SMG6: variants seen among roughly 807,000 people sequenced by gnomAD.
The protein encoded by SMG6 is SMG6 nonsense mediated mRNA decay factor, also known as telomerase-binding protein EST1A.
SMG6 carries 66 observed loss-of-function variants against 142.2 expected under a neutral mutation model. The observed-to-expected ratio is 0.46, with a 90% CI of 0.38 to 0.57. SMG6 has a LOEUF of 0.57. Ranked by LOEUF, SMG6 falls within the 20% of genes least tolerant of loss-of-function variation. SMG6 has a pLI of 0.00. For synonymous variants in SMG6, 779 were observed against 702.4 expected (o/e 1.11, Z -1.72); for missense variants, 1,793 against 1,832.0 (o/e 0.98, Z 0.39).
chr17:2,116,165 G>A (rs1169359739), intron 13 of SMG6, among the ~76,000 whole-genome samples: 4 of 151,998 alleles, frequency 2.6e-5, no homozygotes, highest in Admixed American at 6.6e-5. Flanking sequence ...CAACTGCCTC[G>A]GCCCAAGCAG....
At chr17:2,128,768 G>A (rs1193759522) in intron 13 of SMG6, among the ~76,000 whole-genome samples, 2 of 145,548 alleles carry the variant, frequency 1.4e-5, no homozygotes, top group African/African-American at 5.2e-5. Flanking sequence ...AGGTTGCACT[G>A]AGCCAAGATC....
intron 13 of SMG6, among the ~76,000 whole-genome samples, chr17:2,160,010 T>C (rs983778007): frequency 6.6e-6 from 1 of 151,658 alleles, no homozygotes; most frequent in Non-Finnish European, 1.5e-5. Context: ...GGGCAGGGAG[T>C]AGGATGGGGG....
intron 10 of SMG6, among the ~76,000 whole-genome samples, chr17:2,192,171 G>T (rs551153481): frequency 4.6e-5 from 7 of 152,370 alleles, no homozygotes; most frequent in Admixed American, 2.0e-4. Context: ...ATGGGAGGCA[G>T]GCCCACCTGC....
intron 8 of SMG6, among the ~76,000 whole-genome samples, chr17:2,276,174 T>G (rs1008225929): frequency 2.6e-5 from 4 of 152,198 alleles, no homozygotes; most frequent in African/African-American, 9.7e-5. Context: ...AACGAACAAT[T>G]TGGGCATAAC....
intron 13 of SMG6, chr17:2,127,650 C>T: frequency 1.8e-6 from 1 of 569,564 alleles, no homozygotes; most frequent in Non-Finnish European, 3.5e-6. Flanking sequence ...TCAACGAATA[C>T]AATTCTTTTA....
chr17:2,086,438 G>T (rs74651811), intron 13 of SMG6, among the ~76,000 whole-genome samples: 159 of 152,294 alleles, frequency 1.0e-3, no homozygotes, highest in Non-Finnish European at 1.7e-3. Context: ...CCCCTGACAG[G>T]TTCCTGCCCT....
At chr17:2,124,726 T>C (rs1358675066) in intron 13 of SMG6, among the ~76,000 whole-genome samples, 1 of 152,178 alleles carries the variant, frequency 6.6e-6, no homozygotes, top group Non-Finnish European at 1.5e-5. Context: ...AGGACACAGG[T>C]CTTCCGCATC....
chr17:2,205,195 A>G (rs1265787692), intron 10 of SMG6, among the ~76,000 whole-genome samples: 1 of 151,906 alleles, frequency 6.6e-6, no homozygotes, highest in African/African-American at 2.4e-5. Flanking sequence ...CAGCCTCCCA[A>G]GTAGCTGGGA....
intron 12 of SMG6, among the ~76,000 whole-genome samples, chr17:2,175,827 C>A (rs570608535): frequency 3.2e-4 from 48 of 152,342 alleles, no homozygotes; most frequent in African/African-American, 1.1e-3. Context: ...CACTTCTGCT[C>A]TGGTTAATTC....
intron 8 of SMG6, among the ~76,000 whole-genome samples, chr17:2,248,579 T>C (rs970374694): frequency 6.6e-6 from 1 of 152,198 alleles, no homozygotes; most frequent in Non-Finnish European, 1.5e-5. Context: ...TCGATTTCAA[T>C]GCATTACTTT....
At chr17:2,141,373 A>AT (rs2070475128) in intron 13 of SMG6, among the ~76,000 whole-genome samples, 1 of 152,222 alleles carries the variant, frequency 6.6e-6, no homozygotes, top group Non-Finnish European at 1.5e-5. Flanking sequence ...AGACTTTGTG[A>AT]TTTTGAGAAA....
intron 13 of SMG6, among the ~76,000 whole-genome samples, chr17:2,140,341 G>A (rs186753796): frequency 1.4e-4 from 21 of 152,372 alleles, no homozygotes; most frequent in Admixed American, 3.3e-4. Flanking sequence ...ACAGGCGTAA[G>A]CCACTGCACC....
chr17:2,091,962 G>T (rs1437699987), intron 13 of SMG6, among the ~76,000 whole-genome samples: 2 of 151,348 alleles, frequency 1.3e-5, no homozygotes, highest in Non-Finnish European at 2.9e-5. Context: ...GATTACAGGC[G>T]TGAGCCACTG....
chr17:2,256,812 T>G (rs1050518535), intron 8 of SMG6, among the ~76,000 whole-genome samples: 5 of 152,130 alleles, frequency 3.3e-5, no homozygotes, highest in African/African-American at 1.2e-4. Flanking sequence ...ACGGATTAAA[T>G]AGGTTATCCA....
In SMG6 at chr17:2,229,022, G is replaced by C. The variant is rs868162530; in HGVS notation, c.2869+7470C>G. Among the ~76,000 whole-genome samples the C allele has an allele frequency of 9.9e-3, 1,514 of 152,198 alleles. 27 individuals are homozygous for C. The highest frequency in any genetic ancestry group is 0.034 in the African/African-American group (1,424 of 41,504). Reference sequence around the variant, plus strand: ...GTGAGAGGCCTCTTTTCTAAAAGAAGAGGGATATTAGACATGATGGTGAAA... The same window carrying C: ...GTGAGAGGCCTCTTTTCTAAAAGAACAGGGATATTAGACATGATGGTGAAA... On this transcript the variant is annotated intron_variant, in intron 10 of 18. Transcript: ENST00000263073.
chr17:2,089,950 A>C (rs2151445161), intron 13 of SMG6, among the ~76,000 whole-genome samples: 1 of 152,188 alleles, frequency 6.6e-6, no homozygotes, highest in South Asian at 2.1e-4. Context: ...TTGGGAGGCC[A>C]AGGTGGGCAG....
intron 10 of SMG6, among the ~76,000 whole-genome samples, chr17:2,191,128 A>G (rs1028777282): frequency 6.6e-6 from 1 of 152,218 alleles, no homozygotes; most frequent in Non-Finnish European, 1.5e-5. Flanking sequence ...AGGACCTTTC[A>G]ATAGGGTAAA....
intron 13 of SMG6, among the ~76,000 whole-genome samples, chr17:2,131,240 T>C (rs1323165380): frequency 6.6e-6 from 1 of 152,068 alleles, no homozygotes; most frequent in Non-Finnish European, 1.5e-5. Flanking sequence ...ATAAACCTGC[T>C]ATCATCACCT....
At chr17:2,240,136 AGAAG>A in intron 9 of SMG6, 1 of 152,338 alleles carries the variant, frequency 6.6e-6, no homozygotes, top group South Asian at 2.1e-4. Flanking sequence ...TTAAAACCTC[AGAAG>A]ATACCATCGT....
Sources: allele counts gnomAD v4.1 joint callset (sites outside exome capture counted in the v4.1 genomes callset), GRCh38; gene constraint gnomAD v4.1.1; transcripts MANE v1.5; gene names NCBI Gene and HGNC (gene_info 2026-07-23, HGNC 2026-07-21).